The following VGLL4 variants were observed in gnomAD, a reference collection of about 807,000 sequenced individuals.
The protein encoded by VGLL4 is transcription cofactor vestigial-like protein 4.
A neutral mutation model predicts 21.0 loss-of-function variants in VGLL4; 7 were observed. The ratio of observed to expected loss-of-function variants is 0.33; its 90% CI spans 0.19 to 0.63. The LOEUF (loss-of-function observed/expected upper bound fraction) is 0.63, where lower values mean the gene tolerates loss of function less well. VGLL4 is among the 20% of genes least tolerant of loss of function. The pLI is 0.78. For synonymous variants in VGLL4, 222 were observed against 173.2 expected, an observed-to-expected ratio of 1.28 and a Z score of -2.21; for missense variants, 394 against 425.7, an observed-to-expected ratio of 0.93 and a Z score of 0.66.
Position 11,573,244 on chromosome 3 carries a change from AGAG to A in VGLL4, c.273-8228_273-8226del, listed in dbSNP as rs1206954188. ...AAAGACAGACAGAAAGAAAAGAAAT[AGAG>A]AAAGAAAGAAAGAAAGAAAGAAAGA... On this transcript the variant is annotated intron_variant, in intron 2 of 4. Coordinates refer to ENST00000430365, the MANE Select transcript of VGLL4 (RefSeq NM_001128219.3). Among the ~76,000 whole-genome samples the A allele has an allele frequency of 2.3e-4, 19 of 80,936 alleles. 1 individual carries two copies. Among genetic ancestry groups the A allele is most frequent in the Non-Finnish European group, 2.0e-5 (1 of 49,466 alleles). 53.1% of individuals were successfully genotyped at this position (80,936 alleles called of 152,430 possible). A position where few individuals can be genotyped will look rare whatever the true frequency, so the allele number is the denominator to read the frequency against.
In VGLL4 at chr3:11,568,965, A is replaced by C; in HGVS notation, c.273-3946T>G. ...CCACGGAGAGAAAGATGGAAAGAGG[A>C]GGGAGGGAAAGAGAGGCCTACAACA... On this transcript the variant is annotated intron_variant, in intron 2 of 4. Coordinates refer to ENST00000430365, the MANE Select transcript of VGLL4 (RefSeq NM_001128219.3). The surrounding 1 kb of genome is among the most constrained non-coding windows in gnomAD (Gnocchi z 5.9). 8.5e-7 allele frequency: 1 copy of C among 1,180,320 alleles called. No individual in the cohort carries two copies. The highest frequency in any genetic ancestry group is 1.1e-6 in the Non-Finnish European group (1 of 946,834). 73.1% of individuals were successfully genotyped at this position (1,180,320 alleles called of 1,614,324 possible).
chr3:11,689,988 C>T (rs914206170), intron 2 of VGLL4, among the ~76,000 whole-genome samples: 10 of 152,168 alleles, frequency 6.6e-5, no homozygotes, highest in African/African-American at 2.4e-4. Context: ...ACACTCTGCT[C>T]GGCTTCTCTC....
chr3:11,639,528 G>T (rs1031367492), intron 1 of VGLL4, among the ~76,000 whole-genome samples: 1 of 152,254 alleles, frequency 6.6e-6, no homozygotes. Context: ...AGGCCGTGAG[G>T]GCACCCAGGA....
intron 1 of VGLL4, among the ~76,000 whole-genome samples, chr3:11,640,789 T>A (rs2075674342): frequency 6.6e-6 from 1 of 152,182 alleles, no homozygotes; most frequent in East Asian, 1.9e-4. Flanking sequence ...GCTAAAAAGA[T>A]CGATTTGCGT....
At chr3:11,720,364 C>T (rs7647513) in intron 1 of VGLL4, 3 of 10,814 alleles carry the variant, frequency 2.8e-4, no homozygotes, top group Admixed American at 2.4e-3. Context: ...ATGCCCGAGC[C>T]GCGCTCCCCG....
chr3:11,703,525 A>T (rs2076713214), intron 1 of VGLL4, among the ~76,000 whole-genome samples: 1 of 152,208 alleles, frequency 6.6e-6, no homozygotes, highest in Non-Finnish European at 1.5e-5. Flanking sequence ...TCCAATAAGA[A>T]TCTTTATGTT....
At chr3:11,711,992 C>T (rs1007957885) in intron 1 of VGLL4, among the ~76,000 whole-genome samples, 2 of 152,136 alleles carry the variant, frequency 1.3e-5, no homozygotes, top group Non-Finnish European at 2.9e-5. Context: ...CCAGAGTGTC[C>T]GGTGATGCCC....
In VGLL4 at chr3:11,556,510, T is replaced by G. The variant is rs186875727; in HGVS notation, c.*2046A>C. 4 of 152,838 alleles carry G rather than the reference T, an allele frequency of 2.6e-5. No homozygotes were observed. The highest frequency in any genetic ancestry group is 2.0e-4 in the Admixed American group (3 of 15,302). The allele number at this position is 152,838 out of a possible 1,614,324, so 9.5% of individuals were successfully genotyped here. Reference sequence around the variant, plus strand: ...TTTCCTGTTACGACGCTCAGTAGCCTGTAGCAATAACAAACTCGTGGCTAT... The same window carrying G: ...TTTCCTGTTACGACGCTCAGTAGCCGGTAGCAATAACAAACTCGTGGCTAT... On this transcript the variant is annotated 3_prime_UTR_variant, in exon 5 of 5. Coordinates refer to ENST00000430365, the MANE Select transcript of VGLL4 (RefSeq NM_001128219.3).
chr3:11,569,866 G>A (rs544330089), intron 2 of VGLL4, among the ~76,000 whole-genome samples: 2 of 152,310 alleles, frequency 1.3e-5, no homozygotes, highest in East Asian at 3.9e-4. Context: ...GGGTGACAGA[G>A]CAAGACCCTG....
At chr3:11,670,905 C>CA (rs774692003) in intron 2 of VGLL4, among the ~76,000 whole-genome samples, 4 of 151,920 alleles carry the variant, frequency 2.6e-5, no homozygotes, top group Non-Finnish European at 4.4e-5. Flanking sequence ...GGTGTGGTGG[C>CA]GCATGCCTGT....
chr3:11,703,581 A>C (rs2076714096), intron 1 of VGLL4, among the ~76,000 whole-genome samples: 1 of 152,202 alleles, frequency 6.6e-6, no homozygotes, highest in African/African-American at 2.4e-5. Context: ...ATCACCACCT[A>C]TCATCAATTT....
chr3:11,589,203 T>C (rs148332820), intron 2 of VGLL4, among the ~76,000 whole-genome samples: 1 of 152,260 alleles, frequency 6.6e-6, no homozygotes, highest in East Asian at 1.9e-4. Flanking sequence ...TTCAACAGAA[T>C]TGTTGGTATG....
At chr3:11,704,401 A>AAAAAG (rs2076730084) in intron 1 of VGLL4, among the ~76,000 whole-genome samples, 1 of 142,704 alleles carries the variant, frequency 7.0e-6, no homozygotes, top group Non-Finnish European at 1.5e-5. Context: ...AAAAAAAAAA[A>AAAAAG]AAAAGAAAAA....
chr3:11,647,422 C>T (rs747408984), upstream of VGLL4, among the ~76,000 whole-genome samples: 36 of 152,310 alleles, frequency 2.4e-4, 1 homozygote, highest in Middle Eastern at 0.02. Context: ...CTACGCCAAG[C>T]TATCCTTTTA....
At chr3:11,646,690 G>A (rs975007625), upstream of VGLL4, among the ~76,000 whole-genome samples, 1 of 152,052 alleles carries the variant, frequency 6.6e-6, no homozygotes, top group Non-Finnish European at 1.5e-5. Context: ...ATTTGGTAAC[G>A]TCCCTTAAGG....
At chr3:11,656,104 T>C (rs1490379873) in intron 2 of VGLL4, among the ~76,000 whole-genome samples, 1 of 152,188 alleles carries the variant, frequency 6.6e-6, no homozygotes, top group Non-Finnish European at 1.5e-5. Context: ...AATAAAGAGA[T>C]GATCAAAGTA....
At position 11,714,113 on chromosome 3, in the gene VGLL4, T is replaced by C. The variant is rs138544257; in HGVS notation, c.-14+6281A>G. ...TACAAATGCACAGACTGTATGAAAGTTGATCATGTACCCGGTGAGGTACAT... is the reference window on the plus strand; with the variant it reads ...TACAAATGCACAGACTGTATGAAAGCTGATCATGTACCCGGTGAGGTACAT... On this transcript the variant is annotated intron_variant, in intron 1 of 5. Coordinates refer to the VGLL4 transcript ENST00000273038. 9.2e-4 allele frequency among the ~76,000 whole-genome samples: 140 copies of C among 152,302 alleles called. 1 individual carries two copies. The highest frequency in any genetic ancestry group is 3.2e-3 in the African/African-American group (133 of 41,558).
intron 2 of VGLL4, among the ~76,000 whole-genome samples, chr3:11,592,235 G>A (rs2074517385): frequency 6.6e-6 from 1 of 152,220 alleles, no homozygotes; most frequent in African/African-American, 2.4e-5. Flanking sequence ...TTAGGCTAAG[G>A]TTACTATTGG....
In VGLL4 at chr3:11,579,003, C is replaced by T. The variant is rs566575005; in HGVS notation, c.273-13984G>A. The stretch of plus-strand genomic sequence containing the variant: ...GACCTCATGATCCGCCCGCCTCAGC[C>T]TCCCAAAGTGCTGGGATTACAGGCG... On this transcript the variant is annotated intron_variant, in intron 2 of 4. Transcript: ENST00000430365. Among the ~76,000 whole-genome samples the T allele has an allele frequency of 1.3e-4, 20 of 152,168 alleles. No homozygotes were observed. In the South Asian group the frequency reaches 1.5e-3, roughly 11 times the overall value.
Sources: allele counts gnomAD v4.1 joint callset (sites outside exome capture counted in the v4.1 genomes callset), GRCh38; gene constraint gnomAD v4.1.1; non-coding constraint Gnocchi (gnomAD v3.1); transcripts MANE v1.5; gene names NCBI Gene and HGNC (gene_info 2026-07-23, HGNC 2026-07-21).